SUMF1: variants seen among roughly 807,000 people sequenced by gnomAD.
SUMF1 encodes the protein formylglycine-generating enzyme.
In SUMF1, 48 loss-of-function variants were observed where a neutral mutation model predicts 47.6. The observed-to-expected ratio is 1.01, with a 90% CI of 0.80 to 1.28. The LOEUF (loss-of-function observed/expected upper bound fraction) is 1.28, where lower values mean the gene tolerates loss of function less well. SUMF1 is among the 50% of genes most tolerant of loss of function. The pLI, the probability that SUMF1 is intolerant of heterozygous loss-of-function variation, is 0.00. For missense variants in SUMF1, 571 were observed against 485.4 expected (o/e 1.18, Z -1.66); for synonymous variants, 230 against 192.1 (o/e 1.20, Z -1.63).
At chr3:4,221,087 T>G (rs112752047) in intron 8 of SUMF1, among the ~76,000 whole-genome samples, 102 of 152,276 alleles carry the variant, frequency 6.7e-4, no homozygotes, top group Non-Finnish European at 8.8e-4. Context: ...AGTAGTCACC[T>G]TAGCATCTGG....
intron 8 of SUMF1, among the ~76,000 whole-genome samples, chr3:4,098,234 G>C (rs1692950238): frequency 6.6e-6 from 1 of 152,126 alleles, no homozygotes. Context: ...GGCATTCTCA[G>C]AGACATCTCT....
intron 8 of SUMF1, among the ~76,000 whole-genome samples, chr3:4,249,220 A>G (rs1362166882): frequency 6.6e-6 from 1 of 152,258 alleles, no homozygotes; most frequent in African/African-American, 2.4e-5. Context: ...TTAGTCTGCT[A>G]TGAACTATGC....
rs549123157 is a variant in SUMF1, at chr3:4,289,096, A to G, written c.1014+87234T>C. On this transcript the variant is annotated intron_variant and NMD_transcript_variant, in intron 8 of 12. Transcript: ENST00000448413. ...CACATTCAGAGTGAGGGCTATTTTAAACCCTATCCCAGCCAAACCAGAACT... is the reference window on the plus strand; with the variant it reads ...CACATTCAGAGTGAGGGCTATTTTAGACCCTATCCCAGCCAAACCAGAACT... Among the ~76,000 whole-genome samples the G allele has an allele frequency of 2.2e-4, 33 of 152,330 alleles. 1 individual carries two copies. In the South Asian group the frequency reaches 6.8e-3, roughly 32 times the overall value.
chr3:4,052,845 T>C (rs1239593824), intron 9 of SUMF1, among the ~76,000 whole-genome samples: 1 of 152,138 alleles, frequency 6.6e-6, no homozygotes, highest in Non-Finnish European at 1.5e-5. Flanking sequence ...CTTAAAGAAA[T>C]GTTGTATGTG....
At chr3:4,329,988 AT>A (rs1357466133) in intron 8 of SUMF1, among the ~76,000 whole-genome samples, 1 of 152,120 alleles carries the variant, frequency 6.6e-6, no homozygotes, top group Admixed American at 6.6e-5. Flanking sequence ...AGTTCTGCAA[AT>A]CTAATGCAGG....
At chr3:4,049,167 T>G (rs1695059999) in intron 9 of SUMF1, among the ~76,000 whole-genome samples, 1 of 152,136 alleles carries the variant, frequency 6.6e-6, no homozygotes, top group Non-Finnish European at 1.5e-5. Flanking sequence ...ACACAGACAT[T>G]GCAGGCTGTC....
intron 8 of SUMF1, among the ~76,000 whole-genome samples, chr3:4,090,864 G>C (rs1449317699): frequency 2.0e-5 from 3 of 151,988 alleles, no homozygotes; most frequent in Admixed American, 6.5e-5. Flanking sequence ...TATGATGGGA[G>C]GCCGAGGCAG....
At chr3:4,315,840 AGTTT>A (rs1455143271) in intron 8 of SUMF1, among the ~76,000 whole-genome samples, 1 of 152,000 alleles carries the variant, frequency 6.6e-6, no homozygotes, top group Non-Finnish European at 1.5e-5. Context: ...TGAGCTTGGG[AGTTT>A]GAGACCACCC....
At chr3:4,442,638 G>GAAAAAA (rs61296884) in intron 3 of SUMF1, among the ~76,000 whole-genome samples, 25 of 61,318 alleles carry the variant, frequency 4.1e-4, no homozygotes, top group East Asian at 3.7e-3. Context: ...AGAGAAAAAG[G>GAAAAAA]AAAAAAAAAA....
chr3:4,123,165 G>A (rs1250966505), intron 8 of SUMF1, among the ~76,000 whole-genome samples: 4 of 152,176 alleles, frequency 2.6e-5, no homozygotes, highest in African/African-American at 7.2e-5. Flanking sequence ...TTGTATAGAC[G>A]TGATTAGAGG....
At chr3:4,329,705 C>T (rs182440160) in intron 8 of SUMF1, among the ~76,000 whole-genome samples, 175 of 152,328 alleles carry the variant, frequency 1.1e-3, no homozygotes, top group South Asian at 2.3e-3. Flanking sequence ...GCAATTAACA[C>T]TTGGCTCCTC....
intron 8 of SUMF1, among the ~76,000 whole-genome samples, chr3:4,345,687 C>A (rs1699359680): frequency 6.6e-6 from 1 of 152,066 alleles, no homozygotes; most frequent in African/African-American, 2.4e-5. Flanking sequence ...CACAACAATA[C>A]TAACCTTAAA....
Position 4,362,059 on chromosome 3 carries a change from C to T in SUMF1, c.*85G>A, listed in dbSNP as rs1191945166. On this transcript the variant is annotated 3_prime_UTR_variant, in exon 9 of 9. Transcript: ENST00000272902. ...CCCACCTCAGGGTGGGAATTCTTTG[C>T]ATGGGATCGTTCAAAGTTCTGAGAA... 4.5e-6 allele frequency: 6 copies of T among 1,345,946 alleles called. No individual in the cohort carries two copies. The highest frequency in any genetic ancestry group is 1.1e-6 in the Non-Finnish European group (1 of 945,506). 83.4% of individuals were successfully genotyped at this position (1,345,946 alleles called of 1,614,324 possible).
intron 8 of SUMF1, among the ~76,000 whole-genome samples, chr3:4,211,123 C>CACATAT (rs1695775835): frequency 1.3e-5 from 1 of 77,622 alleles, no homozygotes; most frequent in Non-Finnish European, 2.9e-5. Context: ...TATATATATA[C>CACATAT]ACACACACAC....
At chr3:4,357,982 T>C (rs1445727915), downstream of SUMF1, among the ~76,000 whole-genome samples, 2 of 152,084 alleles carry the variant, frequency 1.3e-5, no homozygotes, top group African/African-American at 4.8e-5. Context: ...ACAATTGAGA[T>C]GCTCTGTTCA....
intron 9 of SUMF1, among the ~76,000 whole-genome samples, chr3:4,057,887 G>A (rs1695218156): frequency 1.3e-5 from 2 of 152,104 alleles, no homozygotes; most frequent in African/African-American, 4.8e-5. Context: ...GAACCCTATG[G>A]CTTCAAAGTC....
intron 6 of SUMF1, among the ~76,000 whole-genome samples, chr3:4,414,168 A>C (rs922165904): frequency 8.5e-5 from 13 of 152,092 alleles, no homozygotes; most frequent in Non-Finnish European, 1.5e-4. Context: ...CCTGGCCCCA[A>C]ACAAATTTTT....
At position 4,339,357 on chromosome 3, in the gene SUMF1, A is replaced by G. The variant is rs1226342621; in HGVS notation, c.1014+36973T>C. Among the ~76,000 whole-genome samples the G allele has an allele frequency of 2.0e-5, 3 of 152,158 alleles. No homozygotes were observed. The East Asian group carries it at 5.8e-4, about 29-fold the overall frequency. On this transcript the variant is annotated intron_variant and NMD_transcript_variant, in intron 8 of 12. Transcript: ENST00000448413. ...TCTGGGAGGAAAATTGGAGCACAGG[A>G]AGATCAAGAGCTGCTGCTAGGATTC...
intron 8 of SUMF1, among the ~76,000 whole-genome samples, chr3:4,199,997 T>C (rs1405899727): frequency 6.6e-6 from 1 of 152,108 alleles, no homozygotes; most frequent in Non-Finnish European, 1.5e-5. Context: ...TGTTCATGTG[T>C]TTTGCATCCT....
Sources: gnomAD v4.1 joint callset for allele counts (sites outside exome capture counted in the v4.1 genomes callset) on GRCh38, gnomAD v4.1.1 for gene constraint, MANE v1.5 for transcripts, NCBI Gene and HGNC (gene_info 2026-07-23, HGNC 2026-07-21) for gene names.